LPP: variants seen among roughly 807,000 people sequenced by gnomAD.
LPP encodes LIM domain containing preferred translocation partner in lipoma, also known as lipoma-preferred partner.
In LPP, 38 loss-of-function variants were observed where a neutral mutation model predicts 60.4. That is an observed-to-expected ratio of 0.63 (90% confidence interval 0.49 to 0.83). The LOEUF (loss-of-function observed/expected upper bound fraction) is 0.83, where lower values mean the gene tolerates loss of function less well. Among genes scored for constraint, LPP ranks in the 40% least tolerant of loss-of-function variants. LPP has a pLI of 0.00. For synonymous variants in LPP, 328 were observed against 290.8 expected (o/e 1.13, Z -1.30); for missense variants, 902 against 783.6 (o/e 1.15, Z -1.80).
At chr3:188,235,179 GCT>G (rs1721446300) in intron 2 of LPP, among the ~76,000 whole-genome samples, 1 of 152,220 alleles carries the variant, frequency 6.6e-6, no homozygotes, top group African/African-American at 2.4e-5. Context: ...AGCAGGTGGT[GCT>G]GTCCTGGGTC....
chr3:188,822,526 A>G (rs1754267996), intron 9 of LPP, among the ~76,000 whole-genome samples: 1 of 152,154 alleles, frequency 6.6e-6, no homozygotes, highest in South Asian at 2.1e-4. Flanking sequence ...ACTTTGGGGA[A>G]GTATACGATT....
At position 188,265,870 on chromosome 3, in the gene LPP, GGTGTGTGT is replaced by G. The variant is rs55722565; in HGVS notation, c.-67+40370_-67+40377del. 9.5e-4 allele frequency among the ~76,000 whole-genome samples: 136 copies of G among 143,428 alleles called. 1 individual carries two copies. Among genetic ancestry groups the G allele is most frequent in the African/African-American group, 3.4e-3 (130 of 38,424 alleles). 94.1% of individuals were successfully genotyped at this position (143,428 alleles called of 152,430 possible). The stretch of plus-strand genomic sequence containing the variant: ...AAAAGGGCTGTGATAGGATTACTCT[GGTGTGTGT>G]GTGTGTGTGTGTGTGTGTGTGTGTG... On this transcript the variant is annotated intron_variant, in intron 2 of 11. Coordinates refer to ENST00000617246, the MANE Select transcript of LPP (RefSeq NM_001375462.1).
chr3:188,440,042 C>A lies in LPP; in HGVS notation c.193+33729C>A, dbSNP rs143602716. Among the ~76,000 whole-genome samples the A allele has an allele frequency of 3.7e-4, 56 of 152,230 alleles. No individual in the cohort carries two copies. The East Asian group carries it at 0.01, about 28-fold the overall frequency. ...TTCTCGTGGTACTTAAATTTTTGTA[C>A]CTTGGATTATCAAAATTTTTGTTCA... is the stretch of plus-strand genomic sequence containing the variant. On this transcript the variant is annotated intron_variant, in intron 4 of 11. Transcript: ENST00000617246.
At chr3:188,702,996 A>G (rs756673242) in intron 7 of LPP, among the ~76,000 whole-genome samples, 25 of 152,134 alleles carry the variant, frequency 1.6e-4, no homozygotes, top group Non-Finnish European at 1.6e-4. Context: ...GTACCTCTAC[A>G]AGGTTGCTCA....
chr3:188,205,153 G>T (rs1282584254), intron 1 of LPP, among the ~76,000 whole-genome samples: 1 of 151,960 alleles, frequency 6.6e-6, no homozygotes, highest in Non-Finnish European at 1.5e-5. Flanking sequence ...TCTCATAAAA[G>T]CCTTAGGAGG....
chr3:188,509,977 A>G (rs1218513269), intron 5 of LPP, among the ~76,000 whole-genome samples: 1 of 144,916 alleles, frequency 6.9e-6, no homozygotes, highest in African/African-American at 2.5e-5. Context: ...TTGGCCTCCC[A>G]AAGTGCTGGG....
intron 10 of LPP, among the ~76,000 whole-genome samples, chr3:188,866,771 T>C (rs1191360694): frequency 6.6e-6 from 1 of 152,200 alleles, no homozygotes; most frequent in African/African-American, 2.4e-5. Flanking sequence ...TCAAACCCTC[T>C]CTAAAGCTCT....
At chr3:188,513,043 C>T (rs912548109) in intron 5 of LPP, among the ~76,000 whole-genome samples, 10 of 152,198 alleles carry the variant, frequency 6.6e-5, no homozygotes, top group African/African-American at 2.2e-4. Context: ...CTTTTCTCCC[C>T]TACCTCTAAA....
At chr3:188,464,768 A>G (rs2149468048) in intron 4 of LPP, among the ~76,000 whole-genome samples, 1 of 152,264 alleles carries the variant, frequency 6.6e-6, no homozygotes, top group Middle Eastern at 3.4e-3. Context: ...CTTAAGTATC[A>G]GAAAAATAAA....
At chr3:188,809,091 AT>A (rs1489440569) in intron 9 of LPP, among the ~76,000 whole-genome samples, 1 of 152,166 alleles carries the variant, frequency 6.6e-6, no homozygotes, top group Non-Finnish European at 1.5e-5. Context: ...ATTGATGGAC[AT>A]TTGGGTTGGT....
At chr3:188,801,168 A>G (rs1390081784) in intron 9 of LPP, among the ~76,000 whole-genome samples, 1 of 152,188 alleles carries the variant, frequency 6.6e-6, no homozygotes, top group Non-Finnish European at 1.5e-5. Context: ...AAACATTGCC[A>G]TGGAATGAAG....
intron 1 of LPP, among the ~76,000 whole-genome samples, chr3:188,167,677 C>A (rs527302495): frequency 3.5e-4 from 52 of 150,602 alleles, no homozygotes; most frequent in Non-Finnish European, 6.3e-4. Flanking sequence ...CAAATTATGA[C>A]CTATGGTAGA....
intron 3 of LPP, among the ~76,000 whole-genome samples, chr3:188,402,134 G>T (rs1782393576): frequency 2.0e-5 from 3 of 152,100 alleles, no homozygotes; most frequent in Admixed American, 2.0e-4. Flanking sequence ...ACTTTATGCT[G>T]AATTTGGATA....
chr3:188,336,219 G>T lies in LPP; in HGVS notation c.-66-5444G>T, dbSNP rs115558119. Among the ~76,000 whole-genome samples, 401 of 152,232 alleles carry T rather than the reference G, an allele frequency of 2.6e-3. 3 individuals carry two copies. Among genetic ancestry groups the T allele is most frequent in the African/African-American group, 9.2e-3 (384 of 41,534 alleles). On this transcript the variant is annotated intron_variant, in intron 2 of 11. Coordinates refer to ENST00000617246, the MANE Select transcript of LPP (RefSeq NM_001375462.1). ...GCAGTGGTGCTGAGTTCTAGGTGCAGGTGCTTGAAGTGGCTGTGGGACTAG... is the reference window on the plus strand; with the variant it reads ...GCAGTGGTGCTGAGTTCTAGGTGCATGTGCTTGAAGTGGCTGTGGGACTAG...
At chr3:188,524,862 C>T in intron 6 of LPP, 75 bp downstream of exon 6, 2 of 1,448,702 alleles carry the variant, frequency 1.4e-6, no homozygotes, top group Non-Finnish European at 9.3e-7. Context: ...ACATGCTGCA[C>T]CTGAGAGCTT....
chr3:188,814,262 C>T (rs1216936846), intron 9 of LPP, among the ~76,000 whole-genome samples: 1 of 152,110 alleles, frequency 6.6e-6, no homozygotes, highest in Non-Finnish European at 1.5e-5. Context: ...CTAAAATATA[C>T]ACTAAGACAG....
chr3:188,819,123 A>G (rs1425374013), intron 9 of LPP, among the ~76,000 whole-genome samples: 1 of 151,200 alleles, frequency 6.6e-6, no homozygotes, highest in Admixed American at 6.6e-5. Context: ...TTGATTAGTC[A>G]GGTCTTAAAA....
chr3:188,512,312 C>T (rs1176474944), intron 5 of LPP, among the ~76,000 whole-genome samples: 1 of 152,142 alleles, frequency 6.6e-6, no homozygotes, highest in African/African-American at 2.4e-5. Flanking sequence ...AATCCCAGCA[C>T]TTTGGGAGGC....
intron 2 of LPP, among the ~76,000 whole-genome samples, chr3:188,226,080 C>T (rs1289870149): frequency 6.6e-6 from 1 of 152,154 alleles, no homozygotes; most frequent in Non-Finnish European, 1.5e-5. Context: ...GCCATCTTGG[C>T]TCACTGCAAC....
Sources: gnomAD v4.1 joint callset for allele counts (sites outside exome capture counted in the v4.1 genomes callset) on GRCh38, gnomAD v4.1.1 for gene constraint, MANE v1.5 for transcripts, NCBI Gene and HGNC (gene_info 2026-07-23, HGNC 2026-07-21) for gene names.